The following RGS7 variants were observed in gnomAD, a reference collection of about 807,000 sequenced individuals.
The protein encoded by RGS7 is regulator of G-protein signaling 7.
In RGS7, 27 loss-of-function variants were observed where a neutral mutation model predicts 81.1. The ratio of observed to expected loss-of-function variants is 0.33; its 90% CI spans 0.25 to 0.46. The LOEUF (loss-of-function observed/expected upper bound fraction) is 0.46. Among genes scored for constraint, RGS7 ranks in the 20% least tolerant of loss-of-function variants. The probability of loss-of-function intolerance (pLI) is 1.00; values close to 1 mark genes in which losing one functional copy is unlikely to be tolerated. For missense variants in RGS7, 396 were observed against 607.4 expected (o/e 0.65, Z 3.66); for synonymous variants, 208 against 207.7 (o/e 1.00, Z -0.01).
intron 2 of RGS7, among the ~76,000 whole-genome samples, chr1:241,121,710 C>CTTTTTGTTTTTTTT: frequency 1.5e-5 from 1 of 66,410 alleles, no homozygotes; most frequent in African/African-American, 6.3e-5. Context: ...TGCAATTGTT[C>CTTTTTGTTTTTTTT]TTTTTTTTTT....
intron 10 of RGS7, among the ~76,000 whole-genome samples, chr1:240,826,801 TC>T (rs1692913798): frequency 6.7e-6 from 1 of 148,172 alleles, no homozygotes; most frequent in African/African-American, 2.6e-5. Flanking sequence ...CTTTTAGATG[TC>T]CCCCTTTCCT....
At chr1:240,979,012 C>T (rs181705282) in intron 4 of RGS7, among the ~76,000 whole-genome samples, 2 of 152,124 alleles carry the variant, frequency 1.3e-5, no homozygotes, top group East Asian at 1.9e-4. Context: ...GAACAAGCAA[C>T]GAAATGGCAA....
chr1:241,090,489 GA>G (rs960289033), intron 3 of RGS7, among the ~76,000 whole-genome samples: 1 of 152,048 alleles, frequency 6.6e-6, no homozygotes, highest in Non-Finnish European at 1.5e-5. Flanking sequence ...GGAGTTCAGA[GA>G]AAAGGTCTGA....
intron 2 of RGS7, among the ~76,000 whole-genome samples, chr1:241,135,320 G>T (rs546569298): frequency 6.6e-6 from 1 of 151,956 alleles, no homozygotes; most frequent in Non-Finnish European, 1.5e-5. Context: ...CCAGCTACTC[G>T]GGAGGCTGAG....
At chr1:240,783,215 G>C (rs1684428333) in intron 18 of RGS7, among the ~76,000 whole-genome samples, 1 of 152,142 alleles carries the variant, frequency 6.6e-6, no homozygotes, top group Non-Finnish European at 1.5e-5. Context: ...GGTTTGCAGA[G>C]ATTTTGTTAT....
intron 3 of RGS7, among the ~76,000 whole-genome samples, chr1:241,046,667 C>T (rs2060947481): frequency 6.6e-6 from 1 of 152,188 alleles, no homozygotes; most frequent in Non-Finnish European, 1.5e-5. Context: ...ATGTGACTCT[C>T]TCATGGGCAG....
intron 2 of RGS7, among the ~76,000 whole-genome samples, chr1:241,334,530 G>T (rs922968452): frequency 6.6e-6 from 1 of 152,094 alleles, no homozygotes; most frequent in South Asian, 2.1e-4. Context: ...TCCCGCAGGG[G>T]CCCATTCCAC....
At chr1:240,787,558 T>C (rs149629546) in intron 18 of RGS7, among the ~76,000 whole-genome samples, 1 of 152,310 alleles carries the variant, frequency 6.6e-6, no homozygotes, top group Non-Finnish European at 1.5e-5. Context: ...TTCCTCCCTG[T>C]TCCTTATGGT....
chr1:241,063,893 A>G lies in RGS7; in HGVS notation c.175+34773T>C, dbSNP rs550506001. The stretch of plus-strand genomic sequence containing the variant: ...CTAACGACACTGCCACATGAAGGAA[A>G]TCAAATAAAGCCGGGCGCGGTGGCT... On this transcript the variant is annotated intron_variant, in intron 3 of 18. Coordinates refer to ENST00000440928, the MANE Select transcript of RGS7 (RefSeq NM_001364886.1). Among the ~76,000 whole-genome samples the G allele has an allele frequency of 3.9e-5, 6 of 152,294 alleles. No individual in the cohort carries two copies. The South Asian group carries it at 1.2e-3, about 32-fold the overall frequency.
chr1:241,043,664 TTA>T (rs201353482), intron 3 of RGS7, among the ~76,000 whole-genome samples: 4 of 147,750 alleles, frequency 2.7e-5, no homozygotes, highest in Admixed American at 2.0e-4. Flanking sequence ...TTATATAATA[TTA>T]TGTTATATCT....
chr1:241,211,524 C>A (rs2074243227), intron 2 of RGS7, among the ~76,000 whole-genome samples: 1 of 152,122 alleles, frequency 6.6e-6, no homozygotes, highest in Non-Finnish European at 1.5e-5. Context: ...GTCCTCTGTA[C>A]CTGACAAAAG....
chr1:241,050,318 C>T (rs1431480799), intron 3 of RGS7, among the ~76,000 whole-genome samples: 1 of 152,000 alleles, frequency 6.6e-6, no homozygotes. Flanking sequence ...CATCCATACA[C>T]TTATCCAAGA....
intron 4 of RGS7, among the ~76,000 whole-genome samples, chr1:240,943,825 G>C (rs1287165238): frequency 6.6e-6 from 1 of 152,130 alleles, no homozygotes; most frequent in African/African-American, 2.4e-5. Context: ...TGCTTTAGAG[G>C]AGGACTGATG....
intron 2 of RGS7, among the ~76,000 whole-genome samples, chr1:241,243,154 C>A (rs1376911709): frequency 6.6e-6 from 1 of 152,188 alleles, no homozygotes; most frequent in Non-Finnish European, 1.5e-5. Context: ...ACTGAAGAAG[C>A]AGAATTGATG....
At chr1:240,980,050 A>C (rs577199500) in intron 4 of RGS7, among the ~76,000 whole-genome samples, 1 of 152,228 alleles carries the variant, frequency 6.6e-6, no homozygotes. Flanking sequence ...TATTATACAT[A>C]TATGTAAACT....
chr1:240,981,827 G>T (rs966166226), intron 4 of RGS7, among the ~76,000 whole-genome samples: 4 of 152,148 alleles, frequency 2.6e-5, no homozygotes, highest in African/African-American at 9.7e-5. Context: ...TATAAAGCTA[G>T]CTTAAAATGA....
intron 2 of RGS7, among the ~76,000 whole-genome samples, chr1:241,214,335 C>T (rs12141515): frequency 0.2 from 29,861 of 151,962 alleles, 3,108 homozygotes; most frequent in Middle Eastern, 0.23. Context: ...CTTATCATTC[C>T]ATGTTGCCTG....
intron 2 of RGS7, among the ~76,000 whole-genome samples, chr1:241,210,005 T>C (rs2074150933): frequency 6.6e-6 from 1 of 152,124 alleles, no homozygotes. Context: ...TGTCAAAAAG[T>C]ATTAATGTGA....
intron 3 of RGS7, among the ~76,000 whole-genome samples, chr1:241,039,642 C>T (rs953872391): frequency 2.0e-5 from 3 of 151,954 alleles, no homozygotes; most frequent in African/African-American, 7.3e-5. Flanking sequence ...GATGTACAAC[C>T]GAGTTTCAAC....
Sources: allele counts gnomAD v4.1 joint callset (sites outside exome capture counted in the v4.1 genomes callset), GRCh38; gene constraint gnomAD v4.1.1; transcripts MANE v1.5; gene names NCBI Gene and HGNC (gene_info 2026-07-23, HGNC 2026-07-21).